SLC39A6: variants seen among roughly 807,000 people sequenced by gnomAD.
SLC39A6 encodes solute carrier family 39 member 6.
SLC39A6 carries 51 observed loss-of-function variants against 63.5 expected under a neutral mutation model. The observed-to-expected ratio is 0.80, with a 90% CI of 0.64 to 1.01. The LOEUF (loss-of-function observed/expected upper bound fraction) is 1.01. Among genes scored for constraint, SLC39A6 ranks in the 50% least tolerant of loss-of-function variants. The pLI is 0.00. For missense variants in SLC39A6, 805 were observed against 927.8 expected (o/e 0.87, Z 1.72); for synonymous variants, 318 against 324.7 (o/e 0.98, Z 0.22).
At chr18:36,115,556 G>A (rs545497016) in intron 6 of SLC39A6, among the ~76,000 whole-genome samples, 5 of 152,234 alleles carry the variant, frequency 3.3e-5, no homozygotes, top group Admixed American at 3.3e-4. Context: ...TGGGTGCTGA[G>A]GGAAGGCCTC....
intron 7 of SLC39A6, among the ~76,000 whole-genome samples, chr18:36,112,895 T>C (rs1411460185): frequency 6.6e-6 from 1 of 152,184 alleles, no homozygotes; most frequent in Admixed American, 6.5e-5. Flanking sequence ...TAAAATAAAC[T>C]GTTTAAAAGG....
intron 7 of SLC39A6, among the ~76,000 whole-genome samples, chr18:36,112,970 TG>T: frequency 6.6e-6 from 1 of 152,254 alleles, no homozygotes. Context: ...GAATTTACTA[TG>T]TAACTAGATG....
chr18:36,113,207 A>G lies in SLC39A6; in HGVS notation c.1844-626T>C, dbSNP rs147255924. Among the ~76,000 whole-genome samples, 14 of 151,464 alleles carry G rather than the reference A, an allele frequency of 9.2e-5. No homozygotes were observed. The East Asian group carries it at 2.5e-3, about 27-fold the overall frequency. ...ACTCCCGGGCTCAAGCGTTCCATCT[A>G]CCTCAGCCTACCAGGCAGCTGGGAC... On this transcript the variant is annotated intron_variant, in intron 7 of 9. Coordinates refer to ENST00000269187, the MANE Select transcript of SLC39A6 (RefSeq NM_012319.4).
chr18:36,124,730 A>G, intron 2 of SLC39A6, 30 bp from the exon 3 acceptor site: 1 of 1,490,952 alleles, frequency 6.7e-7, no homozygotes, highest in Non-Finnish European at 9.1e-7. Context: ...GAAAATCACC[A>G]AAAGCCATCC....
At chr18:36,118,678 A>G (rs1479736790) in intron 5 of SLC39A6, among the ~76,000 whole-genome samples, 1 of 152,232 alleles carries the variant, frequency 6.6e-6, no homozygotes, top group Non-Finnish European at 1.5e-5. Flanking sequence ...TGTTGAGAAT[A>G]GTGGGCTTTG....
chr18:36,127,110 T>C (rs2089446599), intron 1 of SLC39A6, 94 bp from the exon 2 acceptor site: 2 of 1,146,924 alleles, frequency 1.7e-6, no homozygotes, highest in East Asian at 5.0e-5. Context: ...AATCAAATAA[T>C]CAAAGTTGCC....
chr18:36,114,016 A>G, intron 7 of SLC39A6, 81 bp downstream of exon 7: 1 of 1,486,652 alleles, frequency 6.7e-7, no homozygotes, highest in South Asian at 1.4e-5. Context: ...AAACTAATCT[A>G]TTCTTTGTTA....
intron 7 of SLC39A6, 137 bp from the exon 8 acceptor site, chr18:36,112,718 C>T: frequency 6.2e-6 from 4 of 643,496 alleles, no homozygotes; most frequent in Non-Finnish European, 1.1e-5. Flanking sequence ...AACTCTGTAT[C>T]TTCTTTGTAA....
At chr18:36,122,652 T>A (rs1290096138) in intron 4 of SLC39A6, among the ~76,000 whole-genome samples, 1 of 72,804 alleles carries the variant, frequency 1.4e-5, no homozygotes, top group African/African-American at 4.2e-5. Flanking sequence ...AGAAGCCTAG[T>A]GTGTGTGTGT....
intron 8 of SLC39A6, among the ~76,000 whole-genome samples, chr18:36,111,796 C>T (rs897188824): frequency 1.1e-4 from 17 of 152,030 alleles, no homozygotes; most frequent in African/African-American, 4.1e-4. Context: ...GATACCTTAA[C>T]CAAAAAAATT....
intron 8 of SLC39A6, among the ~76,000 whole-genome samples, chr18:36,111,797 C>CA (rs2144497457): frequency 6.6e-6 from 1 of 152,188 alleles, no homozygotes; most frequent in East Asian, 1.9e-4. Context: ...ATACCTTAAC[C>CA]AAAAAAATTT....
chr18:36,121,940 C>T, intron 5 of SLC39A6, 112 bp downstream of exon 5: 3 of 729,118 alleles, frequency 4.1e-6, no homozygotes, highest in Non-Finnish European at 6.6e-6. Flanking sequence ...TACTGAACTC[C>T]CTCTCAAATA....
intron 5 of SLC39A6, 106 bp downstream of exon 5, chr18:36,121,944 TCA>T: frequency 1.3e-6 from 1 of 776,298 alleles, no homozygotes; most frequent in South Asian, 1.8e-5. Flanking sequence ...GAACTCCCTC[TCA>T]AATAAAGCTC....
At chr18:36,129,026 T>C (rs999991156) in intron 1 of SLC39A6, 88 bp downstream of exon 1, 1 of 152,260 alleles carries the variant, frequency 6.6e-6, no homozygotes, top group Admixed American at 6.5e-5. Flanking sequence ...GATCCGGTTC[T>C]CCGCAGAACC....
chr18:36,128,743 A>G (rs2089478530), intron 1 of SLC39A6, among the ~76,000 whole-genome samples: 1 of 152,176 alleles, frequency 6.6e-6, no homozygotes, highest in South Asian at 2.1e-4. Context: ...GGAAAAAGGA[A>G]AGCAGAAGGG....
chr18:36,122,211 T>C lies in SLC39A6; in HGVS notation c.1200A>G (p.Arg400=). The change falls in exon 5 of 10, where the codon AGA becomes AGG. Residue 400 remains arginine, a synonymous_variant. Transcript: ENST00000269187. Reference sequence around the variant, plus strand: ...AAGACAGATGACTGAAAAGTGGTCCTCTTTTCATTTCCATTGCTGGTTCTT... The same window carrying C: ...AAGACAGATGACTGAAAAGTGGTCCCCTTTTCATTTCCATTGCTGGTTCTT... The part of the protein sequence containing the change: ...SHEEPAMEMK[R]GPLFSHLSSQ... 1 of 1,614,066 alleles carries C rather than the reference T, an allele frequency of 6.2e-7. No individual in the cohort carries two copies. The highest frequency in any genetic ancestry group is 8.5e-7 in the Non-Finnish European group (1 of 1,179,920).
Position 36,109,744 on chromosome 18 carries a change from AC to A in SLC39A6, c.2116del (p.Val706TyrfsTer48). On this transcript the variant is annotated frameshift_variant and splice_region_variant, in exon 10 of 10. Transcript: ENST00000269187. LOFTEE classifies it high-confidence loss of function. ...AGCATCATTGTGCAGCATTTCAGGT[AC>A]CTTTAAAAAAAAGTAAGGGAAAATA... ...LFMYVALVDMVPEMLHNDASD... is the reference protein window; with the variant it reads ...LFMYVALVDMXPEMLHNDASD... 1 of 1,590,842 alleles carries A rather than the reference AC, an allele frequency of 6.3e-7. No individual in the cohort carries two copies. Among genetic ancestry groups the A allele is most frequent in the Non-Finnish European group, 8.5e-7 (1 of 1,173,584 alleles).
chr18:36,117,267 A>T (rs2089353693), intron 5 of SLC39A6, among the ~76,000 whole-genome samples: 1 of 152,116 alleles, frequency 6.6e-6, no homozygotes, highest in Non-Finnish European at 1.5e-5. Flanking sequence ...AGCTAGGGGC[A>T]TTTCCTTCAG....
chr18:36,116,440 C>T (rs1419777864), intron 6 of SLC39A6, among the ~76,000 whole-genome samples: 3 of 151,980 alleles, frequency 2.0e-5, no homozygotes, highest in Admixed American at 6.6e-5. Flanking sequence ...ATTCTTTGTA[C>T]GATTCTTAAA....
Sources: gnomAD v4.1 joint callset for allele counts (sites outside exome capture counted in the v4.1 genomes callset) on GRCh38, gnomAD v4.1.1 for gene constraint, MANE v1.5 for transcripts, NCBI Gene and HGNC (gene_info 2026-07-23, HGNC 2026-07-21) for gene names.